Variants in HS6ST3 observed in about 807,000 individuals in gnomAD.
The protein encoded by HS6ST3 is heparan sulfate 6-O-sulfotransferase 3.
Under a neutral mutation model 36.7 loss-of-function variants are expected in HS6ST3, and 12 were observed. That is an observed-to-expected ratio of 0.33 (90% CI 0.21 to 0.53). The LOEUF is 0.53. Ranked by LOEUF, HS6ST3 falls within the 20% of genes least tolerant of loss-of-function variation. The pLI is 0.95. For missense variants in HS6ST3, 584 were observed against 640.9 expected (o/e 0.91, Z 0.96); for synonymous variants, 240 against 257.5 (o/e 0.93, Z 0.65).
intron 1 of HS6ST3, among the ~76,000 whole-genome samples, chr13:96,556,168 C>T (rs747172469): frequency 6.6e-6 from 1 of 152,148 alleles, no homozygotes. Flanking sequence ...CCACTATTGA[C>T]CATGTGTCCT....
At chr13:96,123,736 C>T (rs979790527) in intron 1 of HS6ST3, among the ~76,000 whole-genome samples, 7 of 152,080 alleles carry the variant, frequency 4.6e-5, no homozygotes, top group African/African-American at 9.7e-5. Flanking sequence ...TTATTCTCAG[C>T]GGAGTTTTGG....
chr13:96,093,551 C>T (rs1356850374), intron 1 of HS6ST3, among the ~76,000 whole-genome samples: 1 of 129,212 alleles, frequency 7.7e-6, no homozygotes, highest in Non-Finnish European at 1.6e-5. Context: ...AATTAGTCAC[C>T]CTGTTCTGGT....
chr13:96,233,975 T>C (rs1363997603), intron 1 of HS6ST3, among the ~76,000 whole-genome samples: 1 of 152,016 alleles, frequency 6.6e-6, no homozygotes, highest in Non-Finnish European at 1.5e-5. Flanking sequence ...GGGGAAAGAA[T>C]GTGGTTACCT....
At chr13:96,771,523 G>T (rs1877265840) in intron 1 of HS6ST3, among the ~76,000 whole-genome samples, 1 of 152,130 alleles carries the variant, frequency 6.6e-6, no homozygotes, top group Non-Finnish European at 1.5e-5. Flanking sequence ...AAAATAAGCC[G>T]ACCGAAAATG....
chr13:96,464,555 C>T (rs1414196947), intron 1 of HS6ST3, among the ~76,000 whole-genome samples: 3 of 151,748 alleles, frequency 2.0e-5, no homozygotes, highest in African/African-American at 4.8e-5. Flanking sequence ...TTTGTAATTG[C>T]TAAAAAGTGG....
At chr13:96,492,827 G>A (rs951177466) in intron 1 of HS6ST3, among the ~76,000 whole-genome samples, 2 of 152,134 alleles carry the variant, frequency 1.3e-5, no homozygotes, top group Non-Finnish European at 2.9e-5. Flanking sequence ...TGGGGGTTGA[G>A]AGGTCTTAAT....
chr13:96,229,284 TCA>T (rs2054496245), intron 1 of HS6ST3, among the ~76,000 whole-genome samples: 1 of 152,168 alleles, frequency 6.6e-6, no homozygotes, highest in Non-Finnish European at 1.5e-5. Flanking sequence ...CATTCGGTAA[TCA>T]CTATTACACC....
intron 1 of HS6ST3, among the ~76,000 whole-genome samples, chr13:96,643,103 C>G (rs2056575923): frequency 1.3e-5 from 2 of 151,966 alleles, no homozygotes; most frequent in South Asian, 4.1e-4. Context: ...TGAGTAAATT[C>G]TATAAAGTCT....
At chr13:96,325,248 A>G (rs2055024532) in intron 1 of HS6ST3, among the ~76,000 whole-genome samples, 1 of 152,186 alleles carries the variant, frequency 6.6e-6, no homozygotes, top group Non-Finnish European at 1.5e-5. Context: ...TTTGAAATGC[A>G]GTTATATAAA....
intron 1 of HS6ST3, among the ~76,000 whole-genome samples, chr13:96,303,448 A>G (rs926583699): frequency 6.6e-6 from 1 of 152,106 alleles, no homozygotes; most frequent in African/African-American, 2.4e-5. Context: ...CAAAATGGTT[A>G]CTCTGCTTTC....
Position 96,539,747 on chromosome 13 carries a change from T to C in HS6ST3, c.708-292743T>C, listed in dbSNP as rs545100068. Among the ~76,000 whole-genome samples the C allele has an allele frequency of 2.0e-5, 3 of 152,334 alleles. No homozygotes were observed. In the South Asian group the frequency reaches 6.2e-4, roughly 32 times the overall value. On this transcript the variant is annotated intron_variant, in intron 1 of 1. Transcript: ENST00000376705. ...AAAAGAGAAACATTCTGATGGATAA[T>C]TGGCTGCTTATTAATAGGTATTTAG...
At chr13:96,334,371 A>G (rs895274279) in intron 1 of HS6ST3, among the ~76,000 whole-genome samples, 1 of 152,096 alleles carries the variant, frequency 6.6e-6, no homozygotes, top group African/African-American at 2.4e-5. Flanking sequence ...ACCATGAGTG[A>G]AAGATCCCTG....
At chr13:96,785,535 C>T (rs1022777416) in intron 1 of HS6ST3, among the ~76,000 whole-genome samples, 6 of 152,260 alleles carry the variant, frequency 3.9e-5, no homozygotes, top group African/African-American at 1.4e-4. Context: ...TCTCCTGGTC[C>T]ACTGTTGCAA....
intron 1 of HS6ST3, among the ~76,000 whole-genome samples, chr13:96,289,459 G>A (rs376972816): frequency 1.3e-5 from 2 of 152,118 alleles, no homozygotes; most frequent in African/African-American, 4.8e-5. Context: ...CATGATAAAG[G>A]TGACATCTTA....
intron 1 of HS6ST3, among the ~76,000 whole-genome samples, chr13:96,134,134 G>T (rs1020133340): frequency 2.0e-5 from 3 of 151,822 alleles, no homozygotes; most frequent in Admixed American, 6.6e-5. Flanking sequence ...CTGTTCCATT[G>T]GTCTGTGTGT....
chr13:96,251,468 C>T (rs1448799148), intron 1 of HS6ST3, among the ~76,000 whole-genome samples: 2 of 151,914 alleles, frequency 1.3e-5, no homozygotes, highest in East Asian at 3.9e-4. Flanking sequence ...TTTATTTGAG[C>T]CATCTCTTTT....
In HS6ST3 at chr13:96,712,531, C is replaced by T. The variant is rs559471214; in HGVS notation, c.708-119959C>T. ...GTGGGGGTTCAAAGGTATTGTGTGG[C>T]CAAATAACAAGATAATAAACTCGCC... On this transcript the variant is annotated intron_variant, in intron 1 of 1. Transcript: ENST00000376705. 5.9e-5 allele frequency among the ~76,000 whole-genome samples: 9 copies of T among 152,152 alleles called. No individual in the cohort carries two copies. The South Asian group carries it at 1.9e-3, about 32-fold the overall frequency.
At chr13:96,466,875 A>T (rs2055816988) in intron 1 of HS6ST3, among the ~76,000 whole-genome samples, 1 of 152,244 alleles carries the variant, frequency 6.6e-6, no homozygotes, top group Non-Finnish European at 1.5e-5. Flanking sequence ...TATGTGTGCC[A>T]TAAGAAAACT....
chr13:96,785,016 A>T (rs1594859506), intron 1 of HS6ST3, among the ~76,000 whole-genome samples: 2 of 152,286 alleles, frequency 1.3e-5, no homozygotes, highest in African/African-American at 4.8e-5. Flanking sequence ...AAAAATACAA[A>T]AAATTAGATG....
Sources: gnomAD v4.1 joint callset for allele counts (sites outside exome capture counted in the v4.1 genomes callset) on GRCh38, gnomAD v4.1.1 for gene constraint, MANE v1.5 for transcripts, NCBI Gene and HGNC (gene_info 2026-07-23, HGNC 2026-07-21) for gene names.